The following SPRY3 variants were observed in gnomAD, a reference collection of about 807,000 sequenced individuals.
SPRY3 encodes protein sprouty homolog 3.
SPRY3 carries 15 observed loss-of-function variants against 20.2 expected under a neutral mutation model. That is an observed-to-expected ratio of 0.74 (90% CI 0.50 to 1.14). The LOEUF (loss-of-function observed/expected upper bound fraction) is 1.14, where lower values mean the gene tolerates loss of function less well. SPRY3 is among the 50% of genes most tolerant of loss of function. The probability of loss-of-function intolerance (pLI) is 0.00; values close to 1 mark genes in which losing one functional copy is unlikely to be tolerated. For missense variants in SPRY3, 364 were observed against 363.9 expected, an observed-to-expected ratio of 1.00 and a Z score of 0.00; for synonymous variants, 143 against 136.5, an observed-to-expected ratio of 1.05 and a Z score of -0.33.
chrX:155,649,500 C>G (rs2067969095), intron 1 of SPRY3, among the ~76,000 whole-genome samples: 2 of 111,690 alleles, frequency 1.8e-5, no homozygotes, highest in Admixed American at 1.9e-4. Context: ...ATCACATAAA[C>G]AGAACCAATT....
chrX:155,732,890 C>T (rs2091143165), intron 2 of SPRY3, among the ~76,000 whole-genome samples: 1 of 151,778 alleles, frequency 6.6e-6, no homozygotes, highest in Admixed American at 6.6e-5. Context: ...TGAAATAAGC[C>T]AGGCACAGAA....
intron 2 of SPRY3, among the ~76,000 whole-genome samples, chrX:155,705,768 G>C (rs899690896): frequency 1.3e-5 from 2 of 151,332 alleles, no homozygotes; most frequent in African/African-American, 2.4e-5. Context: ...CAGGGATATA[G>C]AGAGACATAC....
chrX:155,722,801 A>G (rs988153187), intron 2 of SPRY3, among the ~76,000 whole-genome samples: 2 of 146,024 alleles, frequency 1.4e-5, no homozygotes, highest in African/African-American at 2.6e-5. Context: ...CCATATATAT[A>G]TATATAAGTT....
chrX:155,703,582 A>G (rs1395907109), intron 2 of SPRY3, among the ~76,000 whole-genome samples: 2 of 118,930 alleles, frequency 1.7e-5, no homozygotes, highest in Admixed American at 9.1e-5. Flanking sequence ...GGATTCATTG[A>G]TTTTTTGAAG....
chrX:155,622,309 A>G (rs1557349526), intron 1 of SPRY3, among the ~76,000 whole-genome samples: 1 of 112,184 alleles, frequency 8.9e-6, no homozygotes, highest in Non-Finnish European at 1.9e-5. Context: ...AAAACAAACC[A>G]CTACCTGCAG....
intron 2 of SPRY3, among the ~76,000 whole-genome samples, chrX:155,711,752 C>A (rs774589998): frequency 6.7e-6 from 1 of 148,436 alleles, no homozygotes; most frequent in South Asian, 2.1e-4. Flanking sequence ...ATTTTGGGAT[C>A]GGTTTGTTCT....
At chrX:155,616,446 A>G (rs782723952) in intron 1 of SPRY3, among the ~76,000 whole-genome samples, 7 of 110,856 alleles carry the variant, frequency 6.3e-5, no homozygotes, top group Non-Finnish European at 7.6e-5. Context: ...AATTAGAGGA[A>G]TCCTGCGTTA....
chrX:155,717,006 A>G (rs930496454), intron 2 of SPRY3, among the ~76,000 whole-genome samples: 1 of 117,734 alleles, frequency 8.5e-6, no homozygotes, highest in Non-Finnish European at 1.7e-5. Context: ...ATATATATAT[A>G]TATATAGCTG....
At chrX:155,614,622 G>C (rs1557348690) in intron 1 of SPRY3, among the ~76,000 whole-genome samples, 1 of 111,445 alleles carries the variant, frequency 9.0e-6, no homozygotes, top group Non-Finnish European at 1.9e-5. Flanking sequence ...GGATCACATG[G>C]CAGATAAATT....
At chrX:155,733,736 C>T (rs1241235961) in intron 2 of SPRY3, among the ~76,000 whole-genome samples, 1 of 152,086 alleles carries the variant, frequency 6.6e-6, no homozygotes, top group Non-Finnish European at 1.5e-5. Flanking sequence ...AAGACTGTTT[C>T]ATCAACATTG....
intron 2 of SPRY3, among the ~76,000 whole-genome samples, chrX:155,716,499 C>T (rs1241636805): frequency 3.3e-5 from 5 of 152,118 alleles, no homozygotes; most frequent in African/African-American, 1.2e-4. Flanking sequence ...TTTTCCCACA[C>T]ATCTCTTAAT....
intron 2 of SPRY3, among the ~76,000 whole-genome samples, chrX:155,740,435 T>C (rs1461343555): frequency 6.6e-6 from 1 of 152,104 alleles, no homozygotes; most frequent in Non-Finnish European, 1.5e-5. Flanking sequence ...TGCTAAATTC[T>C]TTTCCTAGCA....
chrX:155,631,313 A>G (rs2067905751), intron 1 of SPRY3, among the ~76,000 whole-genome samples: 1 of 112,287 alleles, frequency 8.9e-6, no homozygotes, highest in Non-Finnish European at 1.9e-5. Context: ...TCCATGTTGT[A>G]TATGTACTGT....
chrX:155,692,923 C>T (rs994484726), intron 2 of SPRY3, among the ~76,000 whole-genome samples: 1 of 110,446 alleles, frequency 9.1e-6, no homozygotes, highest in Non-Finnish European at 1.9e-5. Flanking sequence ...CTTTTATTTT[C>T]TTGATCTATC....
At chrX:155,673,196 C>G (rs2068048939) in intron 2 of SPRY3, among the ~76,000 whole-genome samples, 1 of 105,396 alleles carries the variant, frequency 9.5e-6, no homozygotes, top group African/African-American at 3.5e-5. Flanking sequence ...CACATGTACC[C>G]TAAAACTTAA....
downstream of SPRY3, chrX:155,781,613 C>T (rs956094427): frequency 6.0e-6 from 1 of 166,846 alleles, no homozygotes; most frequent in African/African-American, 2.4e-5. Context: ...TACCCTATTC[C>T]CCCTCTGAGC....
intron 2 of SPRY3, among the ~76,000 whole-genome samples, chrX:155,746,008 T>C (rs1450416569): frequency 6.6e-6 from 1 of 151,980 alleles, no homozygotes; most frequent in African/African-American, 2.4e-5. Context: ...TTCAGACACA[T>C]TTGAAAGGAT....
intron 2 of SPRY3, among the ~76,000 whole-genome samples, chrX:155,664,003 A>G (rs1400398674): frequency 9.0e-6 from 1 of 110,570 alleles, no homozygotes; most frequent in Non-Finnish European, 1.9e-5. Flanking sequence ...ATTTATATTT[A>G]TGGGGTACAT....
chrX:155,709,878 T>G (rs184274335), intron 2 of SPRY3, among the ~76,000 whole-genome samples: 60 of 151,924 alleles, frequency 3.9e-4, no homozygotes, highest in Non-Finnish European at 6.2e-4. Flanking sequence ...CTTCTGCTTA[T>G]GTATATCCAC....
Sources: allele counts gnomAD v4.1 joint callset (sites outside exome capture counted in the v4.1 genomes callset), GRCh38; gene constraint gnomAD v4.1.1; transcripts MANE v1.5; gene names NCBI Gene and HGNC (gene_info 2026-07-23, HGNC 2026-07-21).